The following SLC25A13 variants were observed in gnomAD, a reference collection of about 807,000 sequenced individuals.
SLC25A13 encodes solute carrier family 25 member 13.
A neutral mutation model predicts 85.5 loss-of-function variants in SLC25A13; 70 were observed. The observed-to-expected ratio is 0.82, with a 90% CI of 0.68 to 1.00. The LOEUF (loss-of-function observed/expected upper bound fraction) is 1.00. Among genes scored for constraint, SLC25A13 ranks in the 50% least tolerant of loss-of-function variants. The pLI is 0.00. For missense variants in SLC25A13, 765 were observed against 819.8 expected, an observed-to-expected ratio of 0.93 and a Z score of 0.82; for synonymous variants, 259 against 288.7, an observed-to-expected ratio of 0.90 and a Z score of 1.04.
At chr7:96,268,898 T>C (rs527625968) in intron 3 of SLC25A13, among the ~76,000 whole-genome samples, 7 of 152,332 alleles carry the variant, frequency 4.6e-5, no homozygotes, top group Admixed American at 1.3e-4. Context: ...CTCTGTCCTC[T>C]GTACTCCCAC....
chr7:96,303,209 C>T lies in SLC25A13; in HGVS notation c.16-6258G>A, dbSNP rs187738317. Among the ~76,000 whole-genome samples, 1,239 of 152,198 alleles carry T rather than the reference C, an allele frequency of 8.1e-3. 9 individuals carry two copies. The highest frequency in any genetic ancestry group is 0.013 in the Non-Finnish European group (860 of 68,018). ...TCCTCAGCAATACTTCCCCAGTCAC[C>T]CTCCCAAACCTGAAACATCTGAAAG... On this transcript the variant is annotated intron_variant, in intron 1 of 17. Transcript: ENST00000265631.
chr7:96,125,753 G>GGT (rs1491237002), intron 15 of SLC25A13, among the ~76,000 whole-genome samples: 35 of 136,836 alleles, frequency 2.6e-4, no homozygotes, highest in African/African-American at 8.9e-4. Context: ...TTCTAGAGGG[G>GGT]TTTTTTTTTT....
intron 2 of SLC25A13, among the ~76,000 whole-genome samples, chr7:96,280,580 T>TA (rs1360217707): frequency 3.9e-5 from 6 of 151,922 alleles, no homozygotes; most frequent in Non-Finnish European, 8.8e-5. Context: ...CCAGGTAGGG[T>TA]AACGTGCACC....
intron 4 of SLC25A13, among the ~76,000 whole-genome samples, chr7:96,232,436 G>A (rs1796577956): frequency 6.6e-6 from 1 of 151,978 alleles, no homozygotes; most frequent in Admixed American, 6.6e-5. Flanking sequence ...GCCTACCAGA[G>A]GGTGGAGGGT....
At chr7:96,147,155 G>C (rs1193562016) in intron 13 of SLC25A13, among the ~76,000 whole-genome samples, 1 of 150,812 alleles carries the variant, frequency 6.6e-6, no homozygotes, top group Non-Finnish European at 1.5e-5. Flanking sequence ...GAGGACAAAG[G>C]CTCTTGAATG....
intron 3 of SLC25A13, among the ~76,000 whole-genome samples, chr7:96,236,726 A>G (rs1031201226): frequency 1.3e-5 from 2 of 152,218 alleles, no homozygotes; most frequent in African/African-American, 4.8e-5. Flanking sequence ...TAGAATTCCA[A>G]CTGCTGTGGG....
At chr7:96,268,707 C>T (rs1460289782) in intron 3 of SLC25A13, among the ~76,000 whole-genome samples, 2 of 152,150 alleles carry the variant, frequency 1.3e-5, no homozygotes, top group Non-Finnish European at 2.9e-5. Flanking sequence ...CCTTTGATGG[C>T]TCTCCAGCAC....
At chr7:96,268,257 G>A (rs533802313) in intron 3 of SLC25A13, among the ~76,000 whole-genome samples, 2 of 152,312 alleles carry the variant, frequency 1.3e-5, no homozygotes. Context: ...CGTGTGCAAA[G>A]ATCAAAGGAA....
intron 13 of SLC25A13, among the ~76,000 whole-genome samples, chr7:96,156,663 C>T (rs993409833): frequency 2.6e-5 from 4 of 151,922 alleles, no homozygotes; most frequent in Admixed American, 6.6e-5. Context: ...GTGTTAGCCA[C>T]GATGGTCTCA....
intron 5 of SLC25A13, among the ~76,000 whole-genome samples, chr7:96,195,633 A>C (rs1173772088): frequency 6.6e-6 from 1 of 152,150 alleles, no homozygotes; most frequent in East Asian, 1.9e-4. Context: ...AAGGCATACA[A>C]GCCCCCAGAG....
At chr7:96,225,444 C>T (rs1023448878) in intron 4 of SLC25A13, among the ~76,000 whole-genome samples, 2 of 151,702 alleles carry the variant, frequency 1.3e-5, no homozygotes, top group African/African-American at 4.8e-5. Context: ...ACTCAGGACG[C>T]TAAGGTGGAA....
chr7:96,155,063 G>A (rs996357012), intron 13 of SLC25A13, among the ~76,000 whole-genome samples: 1 of 152,136 alleles, frequency 6.6e-6, no homozygotes, highest in Non-Finnish European at 1.5e-5. Flanking sequence ...GCCTCCCAAA[G>A]TGCTGGGGTG....
intron 13 of SLC25A13, among the ~76,000 whole-genome samples, chr7:96,158,430 A>C (rs1793372548): frequency 6.6e-6 from 1 of 152,220 alleles, no homozygotes; most frequent in African/African-American, 2.4e-5. Flanking sequence ...AAAGCAATAA[A>C]TATAACTGTA....
intron 3 of SLC25A13, among the ~76,000 whole-genome samples, chr7:96,251,409 C>G (rs1797422061): frequency 6.6e-6 from 1 of 152,142 alleles, no homozygotes; most frequent in Admixed American, 6.5e-5. Context: ...CATAATCCAA[C>G]TCAGATTTTA....
intron 12 of SLC25A13, among the ~76,000 whole-genome samples, chr7:96,170,828 C>T (rs1033978723): frequency 2.0e-5 from 3 of 152,122 alleles, no homozygotes; most frequent in Non-Finnish European, 2.9e-5. Context: ...GGCTTTGTGG[C>T]CTTAGTGATG....
chr7:96,284,117 T>C (rs1163244909), intron 2 of SLC25A13, among the ~76,000 whole-genome samples: 1 of 151,304 alleles, frequency 6.6e-6, no homozygotes, highest in Non-Finnish European at 1.5e-5. Flanking sequence ...AAAAAAAATA[T>C]AGAAGCACAC....
At chr7:96,122,562 G>T (rs73401077) in intron 15 of SLC25A13, among the ~76,000 whole-genome samples, 3 of 152,102 alleles carry the variant, frequency 2.0e-5, no homozygotes, top group South Asian at 4.1e-4. Flanking sequence ...ATGTGTGTTG[G>T]GGGGTGGGAG....
At chr7:96,133,929 A>C (rs543565184) in intron 14 of SLC25A13, among the ~76,000 whole-genome samples, 9 of 151,468 alleles carry the variant, frequency 5.9e-5, no homozygotes, top group Non-Finnish European at 1.0e-4. Context: ...TTAATAAAAA[A>C]CATAAATAAA....
rs919353076 is a variant in SLC25A13 at position 96,121,792 on chromosome 7, A to G, written c.1750+47T>C. On this transcript the variant is annotated intron_variant, in intron 16 of 17. Transcript: ENST00000265631. ...ACAGATATAATTAGATATTTTAAAA[A>G]TTTACCTGATACCAAAGAGTTAGTT... 3 of 1,613,878 alleles carry G rather than the reference A, an allele frequency of 1.9e-6. No homozygotes were observed. In the African/African-American group the frequency reaches 4.0e-5, roughly 22 times the overall value.
Sources: allele counts gnomAD v4.1 joint callset (sites outside exome capture counted in the v4.1 genomes callset), GRCh38; gene constraint gnomAD v4.1.1; transcripts MANE v1.5; gene names NCBI Gene and HGNC (gene_info 2026-07-23, HGNC 2026-07-21).